The following RNF25 variants were observed in gnomAD, a reference collection of about 807,000 sequenced individuals.
RNF25 encodes the protein E3 ubiquitin-protein ligase RNF25.
RNF25 carries 32 observed loss-of-function variants against 65.0 expected under a neutral mutation model. The ratio of observed to expected loss-of-function variants is 0.49; its 90% CI spans 0.37 to 0.66. The LOEUF (loss-of-function observed/expected upper bound fraction) is 0.66, where lower values mean the gene tolerates loss of function less well. Ranked by LOEUF, RNF25 falls within the 30% of genes least tolerant of loss-of-function variation. RNF25 has a pLI of 0.00. For missense variants in RNF25, 493 were observed against 584.8 expected, an observed-to-expected ratio of 0.84 and a Z score of 1.62; for synonymous variants, 207 against 221.2, an observed-to-expected ratio of 0.94 and a Z score of 0.57.
chr2:218,667,891 T>A (rs1391212279), intron 5 of RNF25, 21 bp downstream of exon 5: 1 of 1,610,014 alleles, frequency 6.2e-7, no homozygotes, highest in East Asian at 2.2e-5. Context: ...AGAACATATC[T>A]CAGACTAGCG....
rs1269506338 is a variant in RNF25 at position 218,668,085 on chromosome 2, A to C, written c.281T>G (p.Ile94Ser). ...RNPRGLSDEQIHTILQVLGHV... is the reference protein window; with the variant it reads ...RNPRGLSDEQSHTILQVLGHV... ...TCTGACAGGTTCAACTTACGTGTGG[A>C]TCTGTTCATCTGAAAGTCCTCGGGG... is the stretch of plus-strand genomic sequence containing the variant. Residue 94 changes from isoleucine to serine, a missense_variant, in exon 4 of 10, where the codon ATC becomes AGC. Transcript: ENST00000295704. 1 of 1,614,078 alleles carries C rather than the reference A, an allele frequency of 6.2e-7. No individual in the cohort carries two copies. The highest frequency in any genetic ancestry group is 2.2e-5 in the East Asian group (1 of 44,884).
At chr2:218,665,079 CACAG>C in intron 8 of RNF25, 72 bp downstream of exon 8, 1 of 1,502,394 alleles carries the variant, frequency 6.7e-7, no homozygotes, top group East Asian at 2.3e-5. Flanking sequence ...TCCCATTTGA[CACAG>C]ACAAGATGCC....
Position 218,667,996 on chromosome 2 carries a change from C to A in RNF25, c.288-15G>T, listed in dbSNP as rs759564247. On this transcript the variant is annotated splice_polypyrimidine_tract_variant and intron_variant, in intron 4 of 9. Transcript: ENST00000295704. Reference sequence around the variant, plus strand: ...CCTGTAAGATCCTGGAGGAAGAGGGCAAACCAAATATTAGACCTGCCCATT... The same window carrying A: ...CCTGTAAGATCCTGGAGGAAGAGGGAAAACCAAATATTAGACCTGCCCATT... 1.9e-5 allele frequency: 31 copies of A among 1,613,922 alleles called. 1 individual carries two copies. In the South Asian group the frequency reaches 3.3e-4, roughly 17 times the overall value.
At chr2:218,671,859 C>T (rs1230470861) in intron 1 of RNF25, 71 bp downstream of exon 1, 28 of 1,558,590 alleles carry the variant, frequency 1.8e-5, no homozygotes, top group Non-Finnish European at 1.2e-5. Flanking sequence ...CCGTACGGAC[C>T]GTCTGCGACA....
At chr2:218,670,773 G>A (rs975343889) in intron 1 of RNF25, among the ~76,000 whole-genome samples, 3 of 151,832 alleles carry the variant, frequency 2.0e-5, no homozygotes, top group Admixed American at 6.6e-5. Context: ...CTAAGGTGTG[G>A]AGTCAGACAG....
chr2:218,665,252 A>G lies in RNF25; in HGVS notation c.574-5T>C, dbSNP rs747020711. The G allele has an allele frequency of 2.5e-5, 40 of 1,612,286 alleles. No homozygotes were observed. Among genetic ancestry groups the G allele is most frequent in the Non-Finnish European group, 3.4e-5 (40 of 1,179,158 alleles). On this transcript the variant is annotated splice_region_variant and splice_polypyrimidine_tract_variant and intron_variant, in intron 7 of 9. Transcript: ENST00000295704. ...ACACTGCACACCGACTGCCTTCTAA[A>G]AAAGAGAAAAATCATATGCCTGTGT...
chr2:218,667,887 TATCTC>T lies in RNF25; in HGVS notation c.357+20_357+24del. The T allele has an allele frequency of 6.2e-7, 1 of 1,606,726 alleles. No homozygotes were observed. The highest frequency in any genetic ancestry group is 8.5e-7 in the Non-Finnish European group (1 of 1,174,422). ...CTGCTCTAGCTTGAAGGAAAGAACA[TATCTC>T]AGACTAGCGCACCTCTTACCTCAAT... On this transcript the variant is annotated intron_variant, in intron 5 of 9. Coordinates refer to ENST00000295704, the MANE Select transcript of RNF25 (RefSeq NM_022453.3).
rs1939789074 is a variant in RNF25, at chr2:218,664,953, G to C, written c.667-80C>G. 6.3e-7 allele frequency: 1 copy of C among 1,576,628 alleles called. No individual in the cohort carries two copies. The highest frequency in any genetic ancestry group is 8.6e-7 in the Non-Finnish European group (1 of 1,159,036). ...CCTCTACTCCTCCCAGGCTGCCTCA[G>C]GAGATCTGCACTGGTTTTGCCCCTC... On this transcript the variant is annotated intron_variant, in intron 8 of 9. Transcript: ENST00000295704. This position sits in a 1 kb window ranked among gnomAD's most constrained non-coding sequence, Gnocchi z 5.1.
In RNF25 at chr2:218,664,287, G is replaced by T. The variant is rs370678325; in HGVS notation, c.1050C>A (p.Pro350=). 1 of 1,610,088 alleles carries T rather than the reference G, an allele frequency of 6.2e-7. No homozygotes were observed. The highest frequency in any genetic ancestry group is 1.7e-5 in the Admixed American group (1 of 59,838). ...CCCCTCCCTTTGGGTGCCTCCGTTC[G>T]GGCTGTCGCCAGGGACCTCGACTGG... ...PKPSRGPWRQ[P]ERRHPKGGEC... Residue 350 remains proline, a synonymous_variant, in exon 10 of 10, where the codon CCC becomes CCA. Transcript: ENST00000295704. This position sits in a 1 kb window ranked among gnomAD's most constrained non-coding sequence, Gnocchi z 5.1.
intron 1 of RNF25, among the ~76,000 whole-genome samples, chr2:218,670,383 G>A (rs1939922513): frequency 6.6e-6 from 1 of 151,326 alleles, no homozygotes; most frequent in South Asian, 2.1e-4. Flanking sequence ...TGGGATGGTG[G>A]TAAGGTGGTG....
intron 5 of RNF25, among the ~76,000 whole-genome samples, chr2:218,667,452 G>T (rs1310793361): frequency 6.6e-6 from 1 of 151,330 alleles, no homozygotes; most frequent in Non-Finnish European, 1.5e-5. Flanking sequence ...CCGGGTTCAA[G>T]CGATTCTCCT....
At chr2:218,670,854 T>A (rs896154256) in intron 1 of RNF25, among the ~76,000 whole-genome samples, 2 of 151,684 alleles carry the variant, frequency 1.3e-5, no homozygotes, top group African/African-American at 2.4e-5. Flanking sequence ...CATCTAGTCT[T>A]CCCAGGTGCC....
rs1375143008 is a variant in RNF25 at position 218,664,149 on chromosome 2, A to T, written c.1188T>A (p.Gly396=). 1 of 1,539,268 alleles carries T rather than the reference A, an allele frequency of 6.5e-7. No homozygotes were observed. The highest frequency in any genetic ancestry group is 2.2e-5 in the Admixed American group (1 of 46,184). Residue 396 remains glycine (G), a synonymous_variant, in exon 10 of 10, where the codon GGT becomes GGA. Transcript: ENST00000295704. The surrounding 1 kb of genome is among the most constrained non-coding windows in gnomAD (Gnocchi z 5.1). ...KPEPHSQGVE[G]PPQEKGPGSW... Reference sequence around the variant, plus strand: ...TGCCAGGCCCCTTCTCTTGTGGAGGACCTTCAACTCCTTGGCTATGGGGTT... The same window carrying T: ...TGCCAGGCCCCTTCTCTTGTGGAGGTCCTTCAACTCCTTGGCTATGGGGTT...
chr2:218,670,695 C>CA (rs34923737), intron 1 of RNF25, among the ~76,000 whole-genome samples: 3,324 of 31,946 alleles, frequency 0.1, 245 homozygotes, highest in Non-Finnish European at 0.15. Flanking sequence ...GACTCCGTCT[C>CA]AAAAAAAAAA....
intron 1 of RNF25, among the ~76,000 whole-genome samples, chr2:218,669,595 C>T (rs1010625565): frequency 3.3e-5 from 5 of 152,174 alleles, no homozygotes; most frequent in African/African-American, 1.2e-4. Context: ...AAGGGACACA[C>T]ATACTTAAGC....
intron 1 of RNF25, 150 bp from the exon 2 acceptor site, chr2:218,668,829 T>A (rs1051472408): frequency 1.6e-6 from 1 of 630,812 alleles, no homozygotes; most frequent in African/African-American, 1.8e-5. Context: ...TATGTTACCT[T>A]AAGTTGTCAA....
At position 218,666,167 on chromosome 2, in the gene RNF25, CAT is replaced by C. The variant is rs1559322530; in HGVS notation, c.419_420del (p.Tyr140TrpfsTer68). On this transcript the variant is annotated frameshift_variant, in exon 6 of 10. Transcript: ENST00000295704. LOFTEE classifies it high-confidence loss of function. ...CCAAGAGAGAAACCCACCTGGAAAC[CAT>C]AGAGGCAGATGACACACTGGCCATG... Reference protein sequence around the residue: ...IPHGQCVICLYGFQEKEAFTK... With the variant: ...IPHGQCVICLXGFQEKEAFTK... 3 of 1,614,022 alleles carry C rather than the reference CAT, an allele frequency of 1.9e-6. No homozygotes were observed. The highest frequency in any genetic ancestry group is 2.5e-6 in the Non-Finnish European group (3 of 1,179,936).
At chr2:218,667,715 A>G (rs892232043) in intron 5 of RNF25, among the ~76,000 whole-genome samples, 197 bp downstream of exon 5, 1 of 152,226 alleles carries the variant, frequency 6.6e-6, no homozygotes, top group African/African-American at 2.4e-5. Context: ...ATGCTGGCAT[A>G]GGCAACTTGG....
Position 218,664,438 on chromosome 2 carries a change from A to T in RNF25, c.899T>A (p.Val300Asp). Reference protein sequence around the residue: ...LAAELSTSPAVQSTLPPPLPV... With the variant: ...LAAELSTSPADQSTLPPPLPV... ...CAGAGGAGGTGGCAAAGTGGATTGG[A>T]CGGCTGGTGAGGTGGATAGTTCTGC... The change falls in exon 10 of 10, where the codon GTC (valine) becomes GAC (aspartate). Residue 300 changes from valine to aspartate, a missense_variant. Physicochemically the swap from Val to Asp is radical, Grantham distance 152. Transcript: ENST00000295704. The surrounding 1 kb of genome is among the most constrained non-coding windows in gnomAD (Gnocchi z 5.1). 6.2e-7 allele frequency: 1 copy of T among 1,614,074 alleles called. No homozygotes were observed. The highest frequency in any genetic ancestry group is 1.1e-5 in the South Asian group (1 of 91,080).
Sources: allele counts gnomAD v4.1 joint callset (sites outside exome capture counted in the v4.1 genomes callset), GRCh38; gene constraint gnomAD v4.1.1; non-coding constraint Gnocchi (gnomAD v3.1); transcripts MANE v1.5; gene names NCBI Gene and HGNC (gene_info 2026-07-23, HGNC 2026-07-21).